Variants in POLD2 observed in about 807,000 individuals in gnomAD.
POLD2 encodes DNA polymerase delta subunit 2.
Under a neutral mutation model 48.8 loss-of-function variants are expected in POLD2, and 31 were observed. The ratio of observed to expected loss-of-function variants is 0.64; its 90% confidence interval spans 0.48 to 0.86. The LOEUF (loss-of-function observed/expected upper bound fraction) is 0.86. Among genes scored for constraint, POLD2 ranks in the 40% least tolerant of loss-of-function variants. The pLI, the probability that POLD2 is intolerant of heterozygous loss-of-function variation, is 0.00. For missense variants in POLD2, 455 were observed against 610.1 expected (o/e 0.75, Z 2.68); for synonymous variants, 233 against 256.3 (o/e 0.91, Z 0.87).
At position 44,114,736 on chromosome 7, in the gene POLD2, A is replaced by G; in HGVS notation, c.*49T>C. The stretch of plus-strand genomic sequence containing the variant: ...TATTTACAATGCCGACACTGCAGGG[A>G]ATGAACAGCCTCCATCTGGGCCTCT... On this transcript the variant is annotated 3_prime_UTR_variant, in exon 11 of 11. Transcript: ENST00000610533. The G allele has an allele frequency of 6.4e-7, 1 of 1,551,878 alleles. No individual in the cohort carries two copies. The highest frequency in any genetic ancestry group is 1.4e-5 in the African/African-American group (1 of 73,314).
At chr7:44,118,195 T>G in intron 2 of POLD2, 131 bp from the exon 3 acceptor site, 1 of 1,039,452 alleles carries the variant, frequency 9.6e-7, no homozygotes, top group Non-Finnish European at 1.4e-6. Context: ...GAACATCAAG[T>G]ACAAGGACCC....
Position 44,116,008 on chromosome 7 carries a change from T to A in POLD2, c.1019+107A>T. On this transcript the variant is annotated intron_variant, in intron 8 of 10. Transcript: ENST00000610533. This position sits in a 1 kb window ranked among gnomAD's most constrained non-coding sequence, Gnocchi z 6.1. ...CCAGAGAGAAGGAACAGATGCTAGG[T>A]GGGCCTCTGCAGCCCTGCCACCTTC... is the stretch of plus-strand genomic sequence containing the variant. 1 of 1,593,052 alleles carries A rather than the reference T, an allele frequency of 6.3e-7. No individual in the cohort carries two copies. Among genetic ancestry groups the A allele is most frequent in the Non-Finnish European group, 8.6e-7 (1 of 1,163,446 alleles).
chr7:44,123,808 G>A (rs1216803142), upstream of POLD2: 2 of 961,072 alleles, frequency 2.1e-6, no homozygotes, highest in Non-Finnish European at 2.8e-6. Flanking sequence ...CTGACGGGGG[G>A]TGTCGGCCTC....
upstream of POLD2, chr7:44,123,744 T>C (rs903180099): frequency 7.5e-7 from 1 of 1,325,552 alleles, no homozygotes; most frequent in Admixed American, 4.2e-5. Context: ...GGGCGGGGGC[T>C]CGCAGGCCGG....
chr7:44,116,016 T>TA lies in POLD2; in HGVS notation c.1019+98_1019+99insT. The TA allele has an allele frequency of 6.3e-7, 1 of 1,596,150 alleles. No homozygotes were observed. ...AAGGAACAGATGCTAGGTGGGCCTCTGCAGCCCTGCCACCTTCCTGGGCCC... is the reference window on the plus strand; with the variant it reads ...AAGGAACAGATGCTAGGTGGGCCTCTAGCAGCCCTGCCACCTTCCTGGGCCC... On this transcript the variant is annotated intron_variant, in intron 8 of 10. Coordinates refer to ENST00000610533, the MANE Select transcript of POLD2 (RefSeq NM_006230.4). The surrounding 1 kb of genome is among the most constrained non-coding windows in gnomAD (Gnocchi z 6.1).
chr7:44,117,643 T>C lies in POLD2; in HGVS notation c.442A>G (p.Ile148Val). 6.2e-7 allele frequency: 1 copy of C among 1,608,152 alleles called. No individual in the cohort carries two copies. Reference sequence around the variant, plus strand: ...CCCGTAACCAGCTTTGACACGTCAATGGTGCCTTTTAGTTTGATACGCTGC... The same window carrying C: ...CCCGTAACCAGCTTTGACACGTCAACGGTGCCTTTTAGTTTGATACGCTGC... ...ELQRIKLKGT[I>V]DVSKLVTGTV... The change falls in exon 4 of 11, where the codon ATT becomes GTT. Residue 148 changes from isoleucine to valine, a missense_variant. This residue lies in a region of POLD2 where 349 missense variants were observed against 437.4 expected (regional missense o/e 0.80). Transcript: ENST00000610533.
chr7:44,120,909 T>G (rs141066677), intron 2 of POLD2, among the ~76,000 whole-genome samples: 1 of 152,274 alleles, frequency 6.6e-6, no homozygotes, highest in East Asian at 1.9e-4. Flanking sequence ...CCCTAATGAA[T>G]TTGAGGTTCT....
At position 44,116,579 on chromosome 7, in the gene POLD2, C is replaced by G; in HGVS notation, c.781-69G>C. 7.8e-7 allele frequency: 1 copy of G among 1,282,448 alleles called. No individual in the cohort carries two copies. The highest frequency in any genetic ancestry group is 1.1e-6 in the Non-Finnish European group (1 of 904,924). The allele number at this position is 1,282,448 out of a possible 1,614,324, so 79.4% of individuals were successfully genotyped here. A position where few individuals can be genotyped will look rare whatever the true frequency, so the allele number is the denominator to read the frequency against. On this transcript the variant is annotated intron_variant, in intron 6 of 10. Transcript: ENST00000610533. This position sits in a 1 kb window ranked among gnomAD's most constrained non-coding sequence, Gnocchi z 6.1. ...AGGCTCAGAGGAGAGTAGAGCCCCA[C>G]CAGCTGGAAGATGCAGTTGTTGTCC...
chr7:44,123,118 G>T (rs2096250387), intron 1 of POLD2: 1 of 423,016 alleles, frequency 2.4e-6, no homozygotes, highest in Non-Finnish European at 3.6e-6. Context: ...ATAATAGTTT[G>T]AATATATTTA....
At chr7:44,115,936 C>T (rs2128810402) in intron 8 of POLD2, 43 bp from the exon 9 acceptor site, 2 of 1,613,768 alleles carry the variant, frequency 1.2e-6, no homozygotes, top group Middle Eastern at 1.6e-4. Flanking sequence ...TGGGTGCCAC[C>T]CATAGTGGTC....
Position 44,116,376 on chromosome 7 carries a change from G to A in POLD2, c.861+54C>T. 1 of 1,583,040 alleles carries A rather than the reference G, an allele frequency of 6.3e-7. No individual in the cohort carries two copies. The highest frequency in any genetic ancestry group is 8.6e-7 in the Non-Finnish European group (1 of 1,160,920). ...TCCTGCCTGCCTTCTGTTGCCCAGTGGCAGCTTTGAAGACTGCAATCCCCA... is the reference window on the plus strand; with the variant it reads ...TCCTGCCTGCCTTCTGTTGCCCAGTAGCAGCTTTGAAGACTGCAATCCCCA... On this transcript the variant is annotated intron_variant, in intron 7 of 10. Transcript: ENST00000610533. The surrounding 1 kb of genome is among the most constrained non-coding windows in gnomAD (Gnocchi z 6.1).
chr7:44,116,756 G>A lies in POLD2; in HGVS notation c.780+61C>T, dbSNP rs1163510721. The A allele has an allele frequency of 1.3e-6, 2 of 1,564,362 alleles. No individual in the cohort carries two copies. Among genetic ancestry groups the A allele is most frequent in the South Asian group, 2.2e-5 (2 of 89,760 alleles). On this transcript the variant is annotated intron_variant, in intron 6 of 10. Coordinates refer to ENST00000610533, the MANE Select transcript of POLD2 (RefSeq NM_006230.4). The surrounding 1 kb of genome is among the most constrained non-coding windows in gnomAD (Gnocchi z 6.1). The stretch of plus-strand genomic sequence containing the variant: ...GTACCCTACTCGCCCTGGGGAAGGA[G>A]GGTCTTACAGGCTTGCAGGCTCCTG...
Position 44,116,872 on chromosome 7 carries a change from A to C in POLD2, c.725T>G (p.Ile242Ser). The change falls in exon 6 of 11, where the codon ATC becomes AGC. Residue 242 changes from isoleucine to serine, a missense_variant. Around this residue, in one of 3 missense-constraint regions of POLD2, gnomAD observed 349 missense variants for 437.4 expected, o/e 0.80. Coordinates refer to ENST00000610533, the MANE Select transcript of POLD2 (RefSeq NM_006230.4). This position sits in a 1 kb window ranked among gnomAD's most constrained non-coding sequence, Gnocchi z 6.1. ...QCSAAHVSRVILAGNLLSHST... is the reference protein window; with the variant it reads ...QCSAAHVSRVSLAGNLLSHST... ...GTGGCTGAGGAGGTTGCCAGCGAGG[A>C]TAACCCGGGAGACGTGGGCGGCGCT... 6.2e-7 allele frequency: 1 copy of C among 1,613,990 alleles called. No homozygotes were observed.
At chr7:44,118,198 A>C in intron 2 of POLD2, 134 bp from the exon 3 acceptor site, 3 of 1,021,022 alleles carry the variant, frequency 2.9e-6, no homozygotes, top group Non-Finnish European at 4.2e-6. Flanking sequence ...CATCAAGTAC[A>C]AGGACCCCCT....
intron 2 of POLD2, among the ~76,000 whole-genome samples, chr7:44,120,728 T>C (rs1738261609): frequency 6.6e-6 from 1 of 152,172 alleles, no homozygotes; most frequent in Non-Finnish European, 1.5e-5. Flanking sequence ...CTCTCTCTCC[T>C]GCTATCATGT....
In POLD2 at chr7:44,114,917, C is replaced by T. The variant is rs2096235840; in HGVS notation, c.1278G>A (p.Val426=). The part of the protein sequence containing the change: ...RGPEDQTVLL[V]TVPDFSATQT... ...GCGTGGCACTGAAGTCAGGGACAGT[C>T]ACCAACAGCACTGTCTGGTCCTCAG... Residue 426 remains valine, a synonymous_variant, in exon 11 of 11, where the codon GTG becomes GTA. Transcript: ENST00000610533. 2 of 1,611,980 alleles carry T rather than the reference C, an allele frequency of 1.2e-6. No homozygotes were observed. Among genetic ancestry groups the T allele is most frequent in the Non-Finnish European group, 1.7e-6 (2 of 1,178,414 alleles).
At position 44,118,659 on chromosome 7, in the gene POLD2, T is replaced by C. The variant is rs1484894080; in HGVS notation, c.221-595A>G. Reference sequence around the variant, plus strand: ...TCCCGAGTAGCTGGGACTACAGGCGTGTGCCACCACGCCCAGCTAATTTTT... The same window carrying C: ...TCCCGAGTAGCTGGGACTACAGGCGCGTGCCACCACGCCCAGCTAATTTTT... On this transcript the variant is annotated intron_variant, in intron 2 of 10. Coordinates refer to ENST00000610533, the MANE Select transcript of POLD2 (RefSeq NM_006230.4). Among the ~76,000 whole-genome samples, 32 of 151,844 alleles carry C rather than the reference T, an allele frequency of 2.1e-4. No individual in the cohort carries two copies. In the East Asian group the frequency reaches 4.5e-3, roughly 21 times the overall value.
At position 44,121,291 on chromosome 7, in the gene POLD2, T is replaced by C. The variant is rs2096247769; in HGVS notation, c.220+543A>G. Among the ~76,000 whole-genome samples the C allele has an allele frequency of 1.3e-5, 2 of 148,380 alleles. No homozygotes were observed. The highest frequency in any genetic ancestry group is 2.0e-4 in the East Asian group (1 of 5,038). On this transcript the variant is annotated intron_variant, in intron 2 of 10. Transcript: ENST00000610533. The surrounding 1 kb of genome is among the most constrained non-coding windows in gnomAD (Gnocchi z 4.5). ...GCAGGAGAGATCACCAGGGAAGAAA[T>C]GGGGGCAAAGAACAAGGGTTGTGTT...
intron 9 of POLD2, 125 bp downstream of exon 9, chr7:44,115,641 A>T: frequency 1.8e-6 from 2 of 1,123,356 alleles, no homozygotes; most frequent in Non-Finnish European, 2.5e-6. Flanking sequence ...AAGCCTCTGA[A>T]CTTCTCCTCA....
Sources: allele counts gnomAD v4.1 joint callset (sites outside exome capture counted in the v4.1 genomes callset), GRCh38; gene constraint gnomAD v4.1.1; regional missense constraint gnomAD v4.1.1; non-coding constraint Gnocchi (gnomAD v3.1); transcripts MANE v1.5; gene names NCBI Gene and HGNC (gene_info 2026-07-23, HGNC 2026-07-21).